Variants in NSD2 observed in about 807,000 individuals in gnomAD.
NSD2 encodes the protein histone-lysine N-methyltransferase NSD2.
A neutral mutation model predicts 139.0 loss-of-function variants in NSD2; 12 were observed. That is an observed-to-expected ratio of 0.09 (90% CI 0.06 to 0.14). The LOEUF is 0.14. Among genes scored for constraint, NSD2 ranks in the 10% least tolerant of loss-of-function variants. The pLI is 1.00. For synonymous variants in NSD2, 669 were observed against 648.7 expected (o/e 1.03, Z -0.48); for missense variants, 1,155 against 1,745.0 (o/e 0.66, Z 6.02).
intron 1 of NSD2, among the ~76,000 whole-genome samples, chr4:1,880,517 C>T (rs1290424607): frequency 2.6e-5 from 4 of 151,766 alleles, no homozygotes; most frequent in Non-Finnish European, 4.4e-5. Flanking sequence ...CCTATGTCCT[C>T]GTTCCCATGG....
chr4:1,947,049 G>C, intron 9 of NSD2: 1 of 1,064,046 alleles, frequency 9.4e-7, no homozygotes, highest in East Asian at 5.0e-5. Context: ...GCTGATGGGG[G>C]TTTGCTCAGC....
intron 9 of NSD2, chr4:1,946,885 C>T (rs1026422202): frequency 4.7e-6 from 5 of 1,058,410 alleles, no homozygotes; most frequent in Non-Finnish European, 5.7e-6. Context: ...TCCATGGTTA[C>T]GTGTTAGGTC....
chr4:1,889,183 C>T (rs1372780711), intron 1 of NSD2, among the ~76,000 whole-genome samples: 1 of 152,084 alleles, frequency 6.6e-6, no homozygotes, highest in Non-Finnish European at 1.5e-5. Flanking sequence ...CAGGCGTGAG[C>T]CACTGCGCCC....
chr4:1,898,666 A>C (rs1287944666), intron 1 of NSD2, among the ~76,000 whole-genome samples: 12 of 145,250 alleles, frequency 8.3e-5, no homozygotes, highest in Admixed American at 6.7e-4. Flanking sequence ...TCTAAAAAAA[A>C]AAAAACAAAA....
intron 1 of NSD2, among the ~76,000 whole-genome samples, chr4:1,872,587 TGTGTGAGAGAGAGAGAGAGA>T (rs1257798619): frequency 1.6e-4 from 8 of 50,150 alleles, no homozygotes; most frequent in African/African-American, 4.1e-4. Context: ...TGTGTGTGTG[TGTGTGAGAGAGAGAGAGAGA>T]GAGAGAGAGA....
intron 8 of NSD2, 87 bp from the exon 9 acceptor site, chr4:1,939,567 C>T (rs1429285087): frequency 1.5e-6 from 2 of 1,320,964 alleles, no homozygotes; most frequent in Non-Finnish European, 2.1e-6. Context: ...ATCTTTAGAA[C>T]TTCACTTATT....
chr4:1,955,674 C>T lies in NSD2; in HGVS notation c.2519-19C>T. On this transcript the variant is annotated intron_variant, in intron 13 of 21. Transcript: ENST00000508803. The surrounding 1 kb of genome is among the most constrained non-coding windows in gnomAD (Gnocchi z 4.7). ...ATAGCAGACAGGCTAAGCCTGGCCG[C>T]CTCGCCCTCCTCTTGCAGGGGGGAG... 1.9e-6 allele frequency: 3 copies of T among 1,605,706 alleles called. No individual in the cohort carries two copies. The highest frequency in any genetic ancestry group is 2.6e-6 in the Non-Finnish European group (3 of 1,175,346).
intron 9 of NSD2, chr4:1,940,159 CAT>C: frequency 9.0e-7 from 1 of 1,115,130 alleles, no homozygotes; most frequent in African/African-American, 1.6e-5. Context: ...GTTGAGCTGA[CAT>C]ATACTGGGTG....
intron 9 of NSD2, chr4:1,947,899 C>T (rs533876936): frequency 4.7e-6 from 5 of 1,055,220 alleles, no homozygotes; most frequent in Non-Finnish European, 5.7e-6. Context: ...AGTAGGTGAG[C>T]GCTTTGCAGT....
intron 1 of NSD2, among the ~76,000 whole-genome samples, chr4:1,875,217 C>G (rs1290840853): frequency 6.6e-6 from 1 of 151,846 alleles, no homozygotes; most frequent in African/African-American, 2.4e-5. Flanking sequence ...CCTTGGCCTC[C>G]CAAAGTACTG....
intron 6 of NSD2, among the ~76,000 whole-genome samples, chr4:1,932,649 G>C (rs1475263549): frequency 6.6e-6 from 1 of 152,158 alleles, no homozygotes; most frequent in African/African-American, 2.4e-5. Context: ...GGGAGGCTGA[G>C]GCAGGAGAAT....
chr4:1,927,177 C>A (rs1276746936), intron 5 of NSD2, among the ~76,000 whole-genome samples: 2 of 152,194 alleles, frequency 1.3e-5, no homozygotes, highest in African/African-American at 4.8e-5. Context: ...TGTGTCCTCA[C>A]AACATGATGG....
At chr4:1,912,351 C>T (rs1718793283) in intron 3 of NSD2, among the ~76,000 whole-genome samples, 1 of 152,122 alleles carries the variant, frequency 6.6e-6, no homozygotes, top group East Asian at 1.9e-4. Flanking sequence ...ATAATTAAGT[C>T]ACTATTTGTA....
At chr4:1,879,420 C>T (rs1445830433) in intron 1 of NSD2, among the ~76,000 whole-genome samples, 6 of 152,186 alleles carry the variant, frequency 3.9e-5, no homozygotes, top group East Asian at 3.9e-4. Flanking sequence ...GGGGTTTCAC[C>T]GTGTTAGCCA....
chr4:1,975,513 C>A, intron 20 of NSD2, 113 bp downstream of exon 20: 1 of 914,716 alleles, frequency 1.1e-6, no homozygotes, highest in Non-Finnish European at 1.7e-6. Flanking sequence ...GTTGCCGGGA[C>A]AGGTGGGAGC....
chr4:1,914,620 C>T (rs1046235431), intron 3 of NSD2, among the ~76,000 whole-genome samples: 2 of 152,208 alleles, frequency 1.3e-5, no homozygotes, highest in Admixed American at 1.3e-4. Flanking sequence ...GCCACTGTGC[C>T]TGGCCCAGAG....
chr4:1,930,181 G>C (rs1325018765), intron 5 of NSD2, among the ~76,000 whole-genome samples: 1 of 152,116 alleles, frequency 6.6e-6, no homozygotes, highest in African/African-American at 2.4e-5. Context: ...CTTCACCCCT[G>C]CCCAGGGCCT....
At chr4:1,970,483 A>G (rs893401396) in intron 18 of NSD2, among the ~76,000 whole-genome samples, 2 of 152,206 alleles carry the variant, frequency 1.3e-5, no homozygotes, top group African/African-American at 4.8e-5. Context: ...AAGCTCCAGC[A>G]ACAAGTTGGG....
At chr4:1,947,118 C>T (rs1033087649) in intron 9 of NSD2, 9 of 1,065,036 alleles carry the variant, frequency 8.5e-6, no homozygotes, top group East Asian at 5.0e-5. Flanking sequence ...TCAAGTCCTT[C>T]GCAGACAGTG....
Sources: gnomAD v4.1 joint callset for allele counts (sites outside exome capture counted in the v4.1 genomes callset) on GRCh38, gnomAD v4.1.1 for gene constraint, Gnocchi (gnomAD v3.1) non-coding constraint, MANE v1.5 for transcripts, NCBI Gene and HGNC (gene_info 2026-07-23, HGNC 2026-07-21) for gene names.